Variants in CMTM7 observed in about 807,000 individuals in gnomAD.
The protein encoded by CMTM7 is CKLF-like MARVEL transmembrane domain-containing protein 7.
CMTM7 carries 7 observed loss-of-function variants against 19.3 expected under a neutral mutation model. That is an observed-to-expected ratio of 0.36 (90% CI 0.21 to 0.68). CMTM7 has a LOEUF of 0.68. CMTM7 is among the 30% of genes least tolerant of loss of function. The pLI, the probability that CMTM7 is intolerant of heterozygous loss-of-function variation, is 0.60. For synonymous variants in CMTM7, 87 were observed against 99.3 expected, an observed-to-expected ratio of 0.88 and a Z score of 0.74; for missense variants, 193 against 232.6, an observed-to-expected ratio of 0.83 and a Z score of 1.11.
intron 1 of CMTM7, among the ~76,000 whole-genome samples, chr3:32,434,041 T>C (rs991823954): frequency 2.6e-5 from 4 of 151,500 alleles, no homozygotes; most frequent in Non-Finnish European, 5.9e-5. Flanking sequence ...ACAAAAAAAA[T>C]AGCTGGGCCT....
At chr3:32,438,505 T>A (rs1696629938) in intron 1 of CMTM7, among the ~76,000 whole-genome samples, 1 of 151,984 alleles carries the variant, frequency 6.6e-6, no homozygotes, top group African/African-American at 2.4e-5. Context: ...TTTAACTTAA[T>A]ATGCTGGCTA....
At chr3:32,417,604 G>A (rs1025412809) in intron 1 of CMTM7, among the ~76,000 whole-genome samples, 3 of 152,138 alleles carry the variant, frequency 2.0e-5, no homozygotes, top group Non-Finnish European at 1.5e-5. Flanking sequence ...TGGGTCGTAC[G>A]TTAAGTATAT....
At chr3:32,418,409 A>C (rs1189775921) in intron 1 of CMTM7, among the ~76,000 whole-genome samples, 1 of 152,176 alleles carries the variant, frequency 6.6e-6, no homozygotes, top group African/African-American at 2.4e-5. Context: ...GTTAACTCTG[A>C]TAAAGTCTAA....
At chr3:32,446,865 CCAGAAG>C (rs1432201077) in intron 2 of CMTM7, among the ~76,000 whole-genome samples, 1 of 152,304 alleles carries the variant, frequency 6.6e-6, no homozygotes, top group East Asian at 1.9e-4. Flanking sequence ...GAAGCCCTCA[CCAGAAG>C]CAGATACAGG....
Position 32,449,545 on chromosome 3 carries a change from C to T in CMTM7, c.425C>T (p.Ala142Val), listed in dbSNP as rs768021987. The change falls in exon 3 of 5, where the codon GCC (alanine) becomes GTC (valine). Residue 142 changes from alanine (A) to valine (V), a missense_variant. Physicochemically the swap from Ala to Val is moderately conservative, Grantham distance 64. Transcript: ENST00000334983. The surrounding 1 kb of genome is among the most constrained non-coding windows in gnomAD (Gnocchi z 4.5). ...SKSYNQSGLV[A>V]GAIFGFMATF... ...AGTTACAACCAGAGCGGACTGGTAG[C>T]CGGAGCGGTGAGGATGTTTTGGGGA... 6.2e-7 allele frequency: 1 copy of T among 1,612,322 alleles called. No individual in the cohort carries two copies. Among genetic ancestry groups the T allele is most frequent in the Admixed American group, 1.7e-5 (1 of 59,996 alleles).
At chr3:32,432,616 A>C (rs1348809677) in intron 1 of CMTM7, among the ~76,000 whole-genome samples, 1 of 152,170 alleles carries the variant, frequency 6.6e-6, no homozygotes, top group South Asian at 2.1e-4. Context: ...GGATCAGCTC[A>C]AATCACTCAA....
intron 1 of CMTM7, among the ~76,000 whole-genome samples, chr3:32,429,601 A>AT (rs1336943258): frequency 0.09 from 11,364 of 126,612 alleles, 561 homozygotes; most frequent in Middle Eastern, 0.13. Context: ...GGAGCAGTGT[A>AT]TTTTTTTTTT....
chr3:32,423,150 C>T (rs758483574), intron 1 of CMTM7, among the ~76,000 whole-genome samples: 2 of 152,138 alleles, frequency 1.3e-5, no homozygotes, highest in Admixed American at 6.5e-5. Context: ...CTGGCTTCTC[C>T]TGGGGTAACT....
At chr3:32,401,073 A>C (rs1231764012) in intron 1 of CMTM7, among the ~76,000 whole-genome samples, 1 of 152,250 alleles carries the variant, frequency 6.6e-6, no homozygotes, top group African/African-American at 2.4e-5. Context: ...TGATAGTAAT[A>C]GTATTTAAGC....
intron 1 of CMTM7, among the ~76,000 whole-genome samples, chr3:32,436,401 A>G (rs766670666): frequency 1.3e-5 from 2 of 152,212 alleles, no homozygotes; most frequent in Non-Finnish European, 2.9e-5. Flanking sequence ...AGTTGGGAGC[A>G]TACCACATTC....
At chr3:32,423,999 C>T (rs1178419176) in intron 1 of CMTM7, among the ~76,000 whole-genome samples, 2 of 152,298 alleles carry the variant, frequency 1.3e-5, no homozygotes, top group East Asian at 1.9e-4. Context: ...TGTTCCATAA[C>T]GGATTACTCA....
At chr3:32,453,453 A>G (rs1258453667) in intron 4 of CMTM7, among the ~76,000 whole-genome samples, 1 of 152,192 alleles carries the variant, frequency 6.6e-6, no homozygotes, top group Non-Finnish European at 1.5e-5. Flanking sequence ...CCACTGACCA[A>G]ACATTTTCCC....
intron 1 of CMTM7, among the ~76,000 whole-genome samples, chr3:32,426,610 A>G (rs1416632218): frequency 6.6e-6 from 1 of 152,098 alleles, no homozygotes; most frequent in African/African-American, 2.4e-5. Flanking sequence ...TTTCTTTGCT[A>G]GGTGAACATT....
chr3:32,412,539 A>T (rs1419234992), intron 1 of CMTM7, among the ~76,000 whole-genome samples: 4 of 94,296 alleles, frequency 4.2e-5, no homozygotes, highest in East Asian at 3.2e-4. Context: ...ACACACACAC[A>T]CTGCATCATT....
At position 32,449,313 on chromosome 3, in the gene CMTM7, C is replaced by T; in HGVS notation, c.334-141C>T. 2.8e-6 allele frequency: 2 copies of T among 713,966 alleles called. No homozygotes were observed. The highest frequency in any genetic ancestry group is 5.1e-6 in the Non-Finnish European group (2 of 388,896). The allele number at this position is 713,966 out of a possible 1,614,324, so 44.2% of individuals were successfully genotyped here. A position where few individuals can be genotyped will look rare whatever the true frequency, so the allele number is the denominator to read the frequency against. On this transcript the variant is annotated intron_variant, in intron 2 of 4. Transcript: ENST00000334983. The surrounding 1 kb of genome is among the most constrained non-coding windows in gnomAD (Gnocchi z 4.5). ...TGTTGGCTGCCTGCGAGCGGCTCTG[C>T]TCATCCCATTTGCGTGTTGCAAGGG...
chr3:32,446,302 A>G (rs374273690), intron 2 of CMTM7, among the ~76,000 whole-genome samples: 1 of 152,050 alleles, frequency 6.6e-6, no homozygotes, highest in South Asian at 2.1e-4. Context: ...GCAATTGTTT[A>G]TTGTATTTCT....
At chr3:32,418,353 A>T (rs1265331665) in intron 1 of CMTM7, among the ~76,000 whole-genome samples, 1 of 152,194 alleles carries the variant, frequency 6.6e-6, no homozygotes, top group Non-Finnish European at 1.5e-5. Flanking sequence ...ACTGCTCTAT[A>T]TCTTGCCTTT....
Position 32,440,848 on chromosome 3 carries a change from G to A in CMTM7, c.160-992G>A, listed in dbSNP as rs567608040. On this transcript the variant is annotated intron_variant, in intron 1 of 4. Transcript: ENST00000334983. ...ATTTTACACACATTGAATCCCGTGT[G>A]TTACTGGTTTGTTCCCTACATGGAG... is the stretch of plus-strand genomic sequence containing the variant. Among the ~76,000 whole-genome samples the A allele has an allele frequency of 5.8e-4, 89 of 152,364 alleles. 1 individual carries two copies. The South Asian group carries it at 0.018, about 31-fold the overall frequency.
intron 1 of CMTM7, among the ~76,000 whole-genome samples, chr3:32,411,528 A>G (rs1696175256): frequency 6.6e-6 from 1 of 152,222 alleles, no homozygotes; most frequent in South Asian, 2.1e-4. Context: ...GAATCCACAC[A>G]AAAACTAAAA....
Sources: allele counts gnomAD v4.1 joint callset (sites outside exome capture counted in the v4.1 genomes callset), GRCh38; gene constraint gnomAD v4.1.1; non-coding constraint Gnocchi (gnomAD v3.1); transcripts MANE v1.5; gene names NCBI Gene and HGNC (gene_info 2026-07-23, HGNC 2026-07-21).